NUP93: variants seen among roughly 807,000 people sequenced by gnomAD.
The protein encoded by NUP93 is nuclear pore complex protein Nup93.
A neutral mutation model predicts 107.8 loss-of-function variants in NUP93; 55 were observed. The observed-to-expected ratio is 0.51, with a 90% CI of 0.41 to 0.64. The LOEUF (loss-of-function observed/expected upper bound fraction) is 0.64, where lower values mean the gene tolerates loss of function less well. Among genes scored for constraint, NUP93 ranks in the 30% least tolerant of loss-of-function variants. The pLI, the probability that NUP93 is intolerant of heterozygous loss-of-function variation, is 0.00. For synonymous variants in NUP93, 390 were observed against 397.5 expected (o/e 0.98, Z 0.22); for missense variants, 937 against 1,044.7 (o/e 0.90, Z 1.42).
intron 1 of NUP93, 24 bp from the exon 2 acceptor site, chr16:56,748,210 C>G: frequency 6.6e-7 from 1 of 1,511,342 alleles, no homozygotes; most frequent in Non-Finnish European, 9.1e-7. Flanking sequence ...TGATTTAGAT[C>G]TTTTCATTTT....
chr16:56,832,011 G>A lies in NUP93; in HGVS notation c.1251+4G>A. 1 of 1,613,990 alleles carries A rather than the reference G, an allele frequency of 6.2e-7. No individual in the cohort carries two copies. Among genetic ancestry groups the A allele is most frequent in the Non-Finnish European group, 8.5e-7 (1 of 1,179,942 alleles). On this transcript the variant is annotated splice_donor_region_variant and intron_variant, in intron 11 of 21. Transcript: ENST00000308159. ...TGAGGATTACCTGTGGCTGAAGGTA[G>A]GCACTGTTTCCCCTGCCCACATAGG...
chr16:56,832,773 G>A (rs1963822601), intron 12 of NUP93, among the ~76,000 whole-genome samples: 1 of 152,208 alleles, frequency 6.6e-6, no homozygotes, highest in Admixed American at 6.5e-5. Flanking sequence ...TAAAAACTGA[G>A]AAGAAAAGAA....
chr16:56,803,342 G>A (rs911692443), intron 4 of NUP93, among the ~76,000 whole-genome samples: 2 of 152,048 alleles, frequency 1.3e-5, no homozygotes, highest in African/African-American at 4.8e-5. Flanking sequence ...GTGCATGCTT[G>A]TAATCCCAGC....
rs1561140 is a variant in NUP93 at position 56,830,486 on chromosome 16, C to T, written c.928-42C>T. 0.56 allele frequency: 848,064 copies of T among 1,505,690 alleles called. 243,448 individuals are homozygous for T. Among genetic ancestry groups the T allele is most frequent in the East Asian group, 0.84 (36,097 of 43,014 alleles). 93.3% of individuals were successfully genotyped at this position (1,505,690 alleles called of 1,614,324 possible). ...TTTAGCACATATGAAAGCAGTCAGCCTTTCCTTGTTTATTTTGAGCACTTA... is the reference window on the plus strand; with the variant it reads ...TTTAGCACATATGAAAGCAGTCAGCTTTTCCTTGTTTATTTTGAGCACTTA... On this transcript the variant is annotated intron_variant, in intron 9 of 21. Coordinates refer to ENST00000308159, the MANE Select transcript of NUP93 (RefSeq NM_014669.5).
In NUP93 at chr16:56,848,947, A is replaced by G. The variant is rs1257220787; in HGVS notation, c.*4338A>G. On this transcript the variant is annotated 3_prime_UTR_variant, in exon 22 of 22. Transcript: ENST00000308159. ...ACTCGTGGTTCTAAGTTGCTAACCC[A>G]GGGAAAGAGGATATTTTCCTGTCCT... 1.4e-5 allele frequency: 2 copies of G among 147,770 alleles called. No homozygotes were observed. Among genetic ancestry groups the G allele is most frequent in the African/African-American group, 2.4e-5 (1 of 41,180 alleles). 9.2% of individuals were successfully genotyped at this position (147,770 alleles called of 1,614,324 possible).
At chr16:56,805,295 G>A (rs373852159) in intron 4 of NUP93, among the ~76,000 whole-genome samples, 21 of 152,298 alleles carry the variant, frequency 1.4e-4, no homozygotes, top group Middle Eastern at 3.4e-3. Flanking sequence ...CAATCTGCCT[G>A]CTTTGGCTCC....
At chr16:56,748,145 CTGTTT>C in intron 1 of NUP93, 84 bp from the exon 2 acceptor site, 1 of 879,394 alleles carries the variant, frequency 1.1e-6, no homozygotes, top group East Asian at 2.5e-5. Flanking sequence ...AAAAGTTCTG[CTGTTT>C]TGTTAAGCTT....
At chr16:56,844,071 G>A (rs1317059300) in intron 21 of NUP93, among the ~76,000 whole-genome samples, 4 of 152,198 alleles carry the variant, frequency 2.6e-5, no homozygotes, top group Middle Eastern at 3.2e-3. Flanking sequence ...CCTTGCCTCC[G>A]GTGTCACAAG....
rs1225901436 is a variant in NUP93 at position 56,758,616 on chromosome 16, C to T, written c.258C>T (p.Thr86=). The change falls in exon 3 of 22, where the codon ACC becomes ACT. Residue 86 remains threonine, a synonymous_variant. Coordinates refer to ENST00000308159, the MANE Select transcript of NUP93 (RefSeq NM_014669.5). ...QRLESLSAAT[T]FEPLEPVKDT... ...TGGAGAGTCTGAGTGCAGCCACCACCTTTGAGCCTCTTGAGCCTGTGAAGG... is the reference window on the plus strand; with the variant it reads ...TGGAGAGTCTGAGTGCAGCCACCACTTTTGAGCCTCTTGAGCCTGTGAAGG... 6.2e-7 allele frequency: 1 copy of T among 1,613,894 alleles called. No homozygotes were observed. Among genetic ancestry groups the T allele is most frequent in the South Asian group, 1.1e-5 (1 of 91,074 alleles).
intron 3 of NUP93, among the ~76,000 whole-genome samples, chr16:56,778,164 C>T (rs528213045): frequency 2.0e-4 from 30 of 152,216 alleles, no homozygotes; most frequent in Admixed American, 1.1e-3. Flanking sequence ...GGCGTGGAAG[C>T]GGTTAATAAC....
At chr16:56,758,917 C>T (rs938626121) in intron 3 of NUP93, among the ~76,000 whole-genome samples, 5 of 152,232 alleles carry the variant, frequency 3.3e-5, no homozygotes, top group African/African-American at 2.4e-5. Context: ...GAACAGATTT[C>T]TCTTCCTTCC....
intron 3 of NUP93, among the ~76,000 whole-genome samples, chr16:56,777,021 C>CGTGT (rs142691435): frequency 3.0e-4 from 45 of 151,850 alleles, no homozygotes; most frequent in African/African-American, 1.0e-3. Context: ...AGAGAGTGAG[C>CGTGT]GTGTGTGTGT....
intron 3 of NUP93, among the ~76,000 whole-genome samples, chr16:56,770,803 C>A (rs1304167400): frequency 2.0e-5 from 3 of 152,044 alleles, no homozygotes; most frequent in Admixed American, 6.5e-5. Context: ...GTAGCTCAAG[C>A]CTGTAATCCC....
At position 56,834,204 on chromosome 16, in the gene NUP93, G is replaced by GTTT; in HGVS notation, c.1615_1617dup (p.Phe539dup). ...GGCTCCTCATGCTGTACACCCGGAA[G>GTTT]TTTGAGTCCACGGACCCAAGGGAGG... On this transcript the variant is annotated inframe_insertion, in exon 14 of 22. Coordinates refer to ENST00000308159, the MANE Select transcript of NUP93 (RefSeq NM_014669.5). 1 of 1,614,170 alleles carries GTTT rather than the reference G, an allele frequency of 6.2e-7. No individual in the cohort carries two copies. The highest frequency in any genetic ancestry group is 8.5e-7 in the Non-Finnish European group (1 of 1,180,024).
intron 2 of NUP93, among the ~76,000 whole-genome samples, chr16:56,757,904 G>C (rs1962054277): frequency 6.6e-6 from 1 of 152,166 alleles, no homozygotes; most frequent in Non-Finnish European, 1.5e-5. Flanking sequence ...GTAGTTCACT[G>C]TATTCATCTA....
intron 5 of NUP93, among the ~76,000 whole-genome samples, chr16:56,808,527 A>AAT (rs1350256575): frequency 5.2e-5 from 6 of 115,534 alleles, no homozygotes; most frequent in African/African-American, 7.8e-5. Context: ...ACTATATATA[A>AAT]ATATAGTTAT....
chr16:56,847,288 T>G lies in NUP93; in HGVS notation c.*2679T>G, dbSNP rs562676385. 1 of 152,356 alleles carries G rather than the reference T, an allele frequency of 6.6e-6. No individual in the cohort carries two copies. Among genetic ancestry groups the G allele is most frequent in the Admixed American group, 6.5e-5 (1 of 15,306 alleles). 9.4% of individuals were successfully genotyped at this position (152,356 alleles called of 1,614,324 possible). A position where few individuals can be genotyped will look rare whatever the true frequency, so the allele number is the denominator to read the frequency against. Reference sequence around the variant, plus strand: ...ACATCAGGTTGTCATGTACCCATCATTACAGCTTATGCCCAGAAGTCCTGA... The same window carrying G: ...ACATCAGGTTGTCATGTACCCATCAGTACAGCTTATGCCCAGAAGTCCTGA... On this transcript the variant is annotated 3_prime_UTR_variant, in exon 22 of 22. Transcript: ENST00000308159.
intron 1 of NUP93, among the ~76,000 whole-genome samples, chr16:56,744,717 G>A (rs977240666): frequency 6.6e-6 from 1 of 152,032 alleles, no homozygotes; most frequent in Non-Finnish European, 1.5e-5. Context: ...CTGGTTTTTG[G>A]TCTTGGTATT....
chr16:56,784,003 A>AT (rs36021267), intron 3 of NUP93: 428 of 496,978 alleles, frequency 8.6e-4, no homozygotes, highest in South Asian at 1.5e-3. Context: ...GTTACACTGG[A>AT]TTTTTTTTTA....
Sources: allele counts gnomAD v4.1 joint callset (sites outside exome capture counted in the v4.1 genomes callset), GRCh38; gene constraint gnomAD v4.1.1; transcripts MANE v1.5; gene names NCBI Gene and HGNC (gene_info 2026-07-23, HGNC 2026-07-21).